Variants in SCN11A observed in about 807,000 individuals in gnomAD.
The protein encoded by SCN11A is sodium voltage-gated channel alpha subunit 11, also known as sodium channel protein type 11 subunit alpha.
Under a neutral mutation model 162.2 loss-of-function variants are expected in SCN11A, and 122 were observed. That is an observed-to-expected ratio of 0.75 (90% CI 0.65 to 0.87). The LOEUF (loss-of-function observed/expected upper bound fraction) is 0.87. Ranked by LOEUF, SCN11A falls within the 40% of genes least tolerant of loss-of-function variation. SCN11A has a pLI of 0.00. For missense variants in SCN11A, 2,015 were observed against 2,181.6 expected (o/e 0.92, Z 1.52); for synonymous variants, 758 against 751.5 (o/e 1.01, Z -0.14).
chr3:39,038,906 C>T (rs2031972784), intron 1 of SCN11A, among the ~76,000 whole-genome samples: 2 of 152,188 alleles, frequency 1.3e-5, no homozygotes, highest in Non-Finnish European at 2.9e-5. Flanking sequence ...AAGGCCTTCC[C>T]TCCATTTATG....
At chr3:38,937,161 C>T (rs1304057140) in intron 7 of SCN11A, among the ~76,000 whole-genome samples, 1 of 151,854 alleles carries the variant, frequency 6.6e-6, no homozygotes. Context: ...GGAAAACTGG[C>T]TAGCCATATG....
chr3:38,927,377 G>A (rs1014895627), intron 7 of SCN11A, among the ~76,000 whole-genome samples: 3 of 151,952 alleles, frequency 2.0e-5, no homozygotes, highest in African/African-American at 7.3e-5. Context: ...TTAAGATATC[G>A]TACTACCCAG....
At position 38,897,062 on chromosome 3, in the gene SCN11A, G is replaced by A. The variant is rs1469862475; in HGVS notation, c.2186C>T (p.Ser729Phe). 1.9e-6 allele frequency: 3 copies of A among 1,613,980 alleles called. No individual in the cohort carries two copies. The highest frequency in any genetic ancestry group is 2.5e-6 in the Non-Finnish European group (3 of 1,180,024). ...GMQLFGRSFN[S>F]QKSPKLCNPT... ...GTTACAGAGTTTTGGACTCTTTTGGGAATTGAAGCTACGGCCAAAAAGCTG... is the reference window on the plus strand; with the variant it reads ...GTTACAGAGTTTTGGACTCTTTTGGAAATTGAAGCTACGGCCAAAAAGCTG... Residue 729 changes from serine (S) to phenylalanine (F), a missense_variant, in exon 18 of 30, where the codon TCC becomes TTC. Physicochemically the swap from Ser to Phe is radical, Grantham distance 155. Coordinates refer to ENST00000302328, the MANE Select transcript of SCN11A (RefSeq NM_001349253.2).
intron 3 of SCN11A, among the ~76,000 whole-genome samples, chr3:38,959,200 T>A (rs2066716656): frequency 6.6e-6 from 1 of 152,164 alleles, no homozygotes; most frequent in African/African-American, 2.4e-5. Flanking sequence ...GGATTATCTT[T>A]CAGAATTTCC....
chr3:38,964,893 A>C (rs1483195381), intron 2 of SCN11A, among the ~76,000 whole-genome samples: 1 of 152,242 alleles, frequency 6.6e-6, no homozygotes, highest in African/African-American at 2.4e-5. Flanking sequence ...CTTTAGGCAT[A>C]ACCACCAAGT....
chr3:38,876,716 G>T (rs2065213081), intron 23 of SCN11A, among the ~76,000 whole-genome samples: 1 of 152,008 alleles, frequency 6.6e-6, no homozygotes, highest in South Asian at 2.1e-4. Flanking sequence ...TGTTGGCGTG[G>T]ATGTGGTGAA....
chr3:38,965,482 C>T (rs2066776034), intron 2 of SCN11A, among the ~76,000 whole-genome samples: 1 of 152,158 alleles, frequency 6.6e-6, no homozygotes, highest in Admixed American at 6.6e-5. Context: ...TCATGAAGGC[C>T]TTCACAATCG....
intron 2 of SCN11A, among the ~76,000 whole-genome samples, chr3:38,969,503 G>A: frequency 6.6e-6 from 1 of 152,146 alleles, no homozygotes; most frequent in East Asian, 1.9e-4. Context: ...TTGAGTTGTA[G>A]TGACAGGAAG....
At position 38,936,171 on chromosome 3, in the gene SCN11A, C is replaced by G. The variant is rs376979348; in HGVS notation, c.488+9240G>C. Among the ~76,000 whole-genome samples, 58 of 151,654 alleles carry G rather than the reference C, an allele frequency of 3.8e-4. No individual in the cohort carries two copies. In the East Asian group the frequency reaches 5.2e-3, roughly 14 times the overall value. On this transcript the variant is annotated intron_variant, in intron 7 of 29. Coordinates refer to ENST00000302328, the MANE Select transcript of SCN11A (RefSeq NM_001349253.2). ...AAGGCCTTTGACAAAATTCAACAACCCTTCATGCTAAAAACTCTCAATAAA... is the reference window on the plus strand; with the variant it reads ...AAGGCCTTTGACAAAATTCAACAACGCTTCATGCTAAAAACTCTCAATAAA...
At chr3:39,000,875 GAAA>G (rs1375005671) in intron 2 of SCN11A, among the ~76,000 whole-genome samples, 1 of 151,948 alleles carries the variant, frequency 6.6e-6, no homozygotes, top group Non-Finnish European at 1.5e-5. Context: ...TGTCTCTACT[GAAA>G]ATACAAAAAA....
chr3:39,011,137 T>C (rs1233689451), intron 2 of SCN11A, among the ~76,000 whole-genome samples: 1 of 152,194 alleles, frequency 6.6e-6, no homozygotes, highest in Non-Finnish European at 1.5e-5. Context: ...CAGGCAGCTA[T>C]GCTTAAGACC....
intron 7 of SCN11A, among the ~76,000 whole-genome samples, chr3:38,941,737 T>G (rs547772030): frequency 6.6e-6 from 1 of 150,832 alleles, no homozygotes; most frequent in East Asian, 2.0e-4. Flanking sequence ...ATATACATGA[T>G]TAACACAAAA....
At position 38,928,657 on chromosome 3, in the gene SCN11A, C is replaced by T. The variant is rs139614448; in HGVS notation, c.489-1726G>A. On this transcript the variant is annotated intron_variant, in intron 7 of 29. Coordinates refer to ENST00000302328, the MANE Select transcript of SCN11A (RefSeq NM_001349253.2). ...TAGATATTTCTCCAAAGATGAAATA[C>T]AAATGGCCAACGAGCATATGAAAAG... is the stretch of plus-strand genomic sequence containing the variant. Among the ~76,000 whole-genome samples, 743 of 152,182 alleles carry T rather than the reference C, an allele frequency of 4.9e-3. 11 individuals carry two copies. The highest frequency in any genetic ancestry group is 0.016 in the African/African-American group (677 of 41,536).
intron 2 of SCN11A, among the ~76,000 whole-genome samples, chr3:39,008,165 T>C (rs4676669): frequency 0.035 from 5,323 of 152,312 alleles, 193 homozygotes; most frequent in East Asian, 0.16. Context: ...GTAATCACAA[T>C]GGCTTTTGAC....
At chr3:39,008,103 A>C (rs4676670) in intron 2 of SCN11A, among the ~76,000 whole-genome samples, 72,944 of 152,110 alleles carry the variant, frequency 0.48, 21,379 homozygotes, top group African/African-American at 0.84. Context: ...ATAGAGGCAA[A>C]AAGTTTTTAT....
intron 1 of SCN11A, among the ~76,000 whole-genome samples, chr3:39,051,556 TC>T (rs1262086783): frequency 6.6e-6 from 1 of 152,096 alleles, no homozygotes; most frequent in Non-Finnish European, 1.5e-5. Context: ...CTTCTATCTC[TC>T]CCCCTTTGAG....
intron 2 of SCN11A, among the ~76,000 whole-genome samples, chr3:39,005,305 A>G (rs151177049): frequency 0.016 from 2,438 of 152,298 alleles, 31 homozygotes; most frequent in Non-Finnish European, 0.026. Context: ...ATAAAACAGT[A>G]TAAAACAATA....
intron 2 of SCN11A, among the ~76,000 whole-genome samples, chr3:39,011,157 T>C (rs2031120141): frequency 6.6e-6 from 1 of 152,178 alleles, no homozygotes; most frequent in South Asian, 2.1e-4. Context: ...CCGACCTCCC[T>C]GATGGTTTAC....
At chr3:38,848,675 C>T (rs2064717919) in intron 29 of SCN11A, among the ~76,000 whole-genome samples, 1 of 152,210 alleles carries the variant, frequency 6.6e-6, no homozygotes, top group Non-Finnish European at 1.5e-5. Flanking sequence ...TCTACCTCCT[C>T]TATGAATATT....
Sources: allele counts gnomAD v4.1 joint callset (sites outside exome capture counted in the v4.1 genomes callset), GRCh38; gene constraint gnomAD v4.1.1; transcripts MANE v1.5; gene names NCBI Gene and HGNC (gene_info 2026-07-23, HGNC 2026-07-21).